The following GRM5 variants were observed in gnomAD, a reference collection of about 807,000 sequenced individuals.
GRM5 encodes metabotropic glutamate receptor 5.
A neutral mutation model predicts 83.1 loss-of-function variants in GRM5; 19 were observed. The observed-to-expected ratio is 0.23, with a 90% CI of 0.16 to 0.34. The LOEUF (loss-of-function observed/expected upper bound fraction) is 0.34. GRM5 is among the 10% of genes least tolerant of loss of function. The pLI is 1.00. For synonymous variants in GRM5, 675 were observed against 633.6 expected, an observed-to-expected ratio of 1.07 and a Z score of -0.98; for missense variants, 1,160 against 1,588.3, an observed-to-expected ratio of 0.73 and a Z score of 4.58.
At chr11:88,544,614 A>G (rs1231090128) in intron 8 of GRM5, among the ~76,000 whole-genome samples, 1 of 152,194 alleles carries the variant, frequency 6.6e-6, no homozygotes, top group Non-Finnish European at 1.5e-5. Flanking sequence ...TTGGATCTGC[A>G]CTTGGCAATA....
intron 3 of GRM5, among the ~76,000 whole-genome samples, chr11:88,771,690 T>G (rs748757863): frequency 2.6e-5 from 4 of 152,140 alleles, no homozygotes; most frequent in Non-Finnish European, 5.9e-5. Flanking sequence ...GAAACAATAC[T>G]TACAGCTATC....
chr11:88,841,279 C>T (rs1944195441), intron 3 of GRM5, among the ~76,000 whole-genome samples: 1 of 152,152 alleles, frequency 6.6e-6, no homozygotes, highest in South Asian at 2.1e-4. Flanking sequence ...TTGTCTGCTG[C>T]TTCTTGGGCA....
At chr11:88,516,472 GAT>G (rs1480571686) in intron 9 of GRM5, among the ~76,000 whole-genome samples, 1 of 152,190 alleles carries the variant, frequency 6.6e-6, no homozygotes, top group African/African-American at 2.4e-5. Flanking sequence ...ACATTGCTGA[GAT>G]AAATCCTGAG....
chr11:88,695,778 C>G (rs1340096774), intron 3 of GRM5, among the ~76,000 whole-genome samples: 1 of 152,142 alleles, frequency 6.6e-6, no homozygotes, highest in Non-Finnish European at 1.5e-5. Context: ...CAGGGTGTGG[C>G]TCGCTTCTTC....
At chr11:88,571,992 T>C (rs1264871726) in intron 7 of GRM5, among the ~76,000 whole-genome samples, 1 of 152,136 alleles carries the variant, frequency 6.6e-6, no homozygotes, top group African/African-American at 2.4e-5. Flanking sequence ...AAAGAAATTA[T>C]GAAGAAGATA....
In GRM5 at chr11:88,974,389, AT is replaced by A. The variant is rs1352990590; in HGVS notation, c.661+72822del. ...CCTGGCAATAGAGATAGATAGATAGATAGATAGATAGATAGATAGATAGATA... is the reference window on the plus strand; with the variant it reads ...CCTGGCAATAGAGATAGATAGATAGAAGATAGATAGATAGATAGATAGATA... On this transcript the variant is annotated intron_variant, in intron 2 of 9. Transcript: ENST00000305447. Among the ~76,000 whole-genome samples the A allele has an allele frequency of 2.6e-5, 4 of 151,176 alleles. No homozygotes were observed. The East Asian group carries it at 7.8e-4, about 29-fold the overall frequency.
intron 3 of GRM5, among the ~76,000 whole-genome samples, chr11:88,763,191 G>A (rs371188919): frequency 9.2e-5 from 14 of 151,670 alleles, no homozygotes; most frequent in East Asian, 3.9e-4. Context: ...TAAAAAGTGA[G>A]GGAGATATTA....
intron 2 of GRM5, among the ~76,000 whole-genome samples, chr11:89,003,402 T>C (rs1237525461): frequency 6.6e-6 from 1 of 152,078 alleles, no homozygotes; most frequent in Non-Finnish European, 1.5e-5. Context: ...GGGAATGCCA[T>C]TTAAAAGAGA....
intron 3 of GRM5, among the ~76,000 whole-genome samples, chr11:88,828,925 C>A (rs1392221914): frequency 6.6e-6 from 1 of 151,678 alleles, no homozygotes; most frequent in East Asian, 1.9e-4. Context: ...GTCTTTATGG[C>A]AGAATGTAAA....
intron 3 of GRM5, among the ~76,000 whole-genome samples, chr11:88,775,629 G>C (rs570586389): frequency 6.6e-6 from 1 of 152,210 alleles, no homozygotes; most frequent in African/African-American, 2.4e-5. Flanking sequence ...CAGAGATTCT[G>C]GTATGTTGTG....
chr11:89,040,145 A>C (rs1028939713), intron 2 of GRM5, among the ~76,000 whole-genome samples: 3 of 152,190 alleles, frequency 2.0e-5, no homozygotes, highest in African/African-American at 7.2e-5. Context: ...TTGTATAAAA[A>C]AAAAAGATGC....
At chr11:88,908,995 A>G (rs1353088830) in intron 2 of GRM5, among the ~76,000 whole-genome samples, 1 of 152,122 alleles carries the variant, frequency 6.6e-6, no homozygotes, top group African/African-American at 2.4e-5. Context: ...GCAGCCTGTT[A>G]GTGGTAAGAC....
intron 2 of GRM5, among the ~76,000 whole-genome samples, chr11:88,872,690 T>C (rs1318467190): frequency 6.6e-6 from 1 of 150,826 alleles, no homozygotes; most frequent in African/African-American, 2.4e-5. Flanking sequence ...CTCTGGGAAT[T>C]TAGAGAGGGA....
intron 8 of GRM5, among the ~76,000 whole-genome samples, chr11:88,539,747 T>C (rs1428788343): frequency 6.6e-6 from 1 of 152,204 alleles, no homozygotes; most frequent in East Asian, 1.9e-4. Context: ...TCCATCTGGA[T>C]CTGTCTGCTC....
intron 3 of GRM5, among the ~76,000 whole-genome samples, chr11:88,688,083 G>T (rs1940691803): frequency 6.6e-6 from 1 of 152,050 alleles, no homozygotes; most frequent in Non-Finnish European, 1.5e-5. Flanking sequence ...AAGAAGCTTG[G>T]GCACTTTGGA....
intron 3 of GRM5, among the ~76,000 whole-genome samples, chr11:88,737,523 G>T (rs1317848438): frequency 6.6e-6 from 1 of 152,038 alleles, no homozygotes; most frequent in East Asian, 1.9e-4. Context: ...ACCTCAGAGA[G>T]TCCATAATGC....
At chr11:89,013,102 G>A (rs1340918412) in intron 2 of GRM5, among the ~76,000 whole-genome samples, 1 of 152,152 alleles carries the variant, frequency 6.6e-6, no homozygotes, top group African/African-American at 2.4e-5. Context: ...AAAGTTGATA[G>A]GTACTCCCTT....
chr11:89,037,311 T>C (rs4325315), intron 2 of GRM5, among the ~76,000 whole-genome samples: 1 of 152,120 alleles, frequency 6.6e-6, no homozygotes, highest in East Asian at 1.9e-4. Flanking sequence ...GTCTTTATCA[T>C]TGATAAAAAC....
chr11:89,014,592 G>A (rs1332794069), intron 2 of GRM5, among the ~76,000 whole-genome samples: 1 of 152,068 alleles, frequency 6.6e-6, no homozygotes, highest in East Asian at 1.9e-4. Context: ...TAGAAAGAAT[G>A]AATAAGACCT....
Sources: allele counts gnomAD v4.1 joint callset (sites outside exome capture counted in the v4.1 genomes callset), GRCh38; gene constraint gnomAD v4.1.1; transcripts MANE v1.5; gene names NCBI Gene and HGNC (gene_info 2026-07-23, HGNC 2026-07-21).